Variants in FAM110B observed in about 807,000 individuals in gnomAD.
The protein encoded by FAM110B is family with sequence similarity 110 member B.
FAM110B carries 6 observed loss-of-function variants against 20.4 expected under a neutral mutation model. The observed-to-expected ratio is 0.29, with a 90% confidence interval of 0.16 to 0.58. The LOEUF is 0.58. Among genes scored for constraint, FAM110B ranks in the 20% least tolerant of loss-of-function variants. The pLI is 0.90. For missense variants in FAM110B, 434 were observed against 498.2 expected (o/e 0.87, Z 1.23); for synonymous variants, 226 against 214.1 (o/e 1.06, Z -0.49).
chr8:58,107,202 T>C (rs973084273), intron 3 of FAM110B, among the ~76,000 whole-genome samples: 1 of 152,216 alleles, frequency 6.6e-6, no homozygotes, highest in African/African-American at 2.4e-5. Flanking sequence ...TATGTAGTAA[T>C]AGATGCCTTA....
At chr8:58,094,360 A>G (rs777961086) in intron 3 of FAM110B, among the ~76,000 whole-genome samples, 2 of 152,212 alleles carry the variant, frequency 1.3e-5, no homozygotes, top group Non-Finnish European at 2.9e-5. Flanking sequence ...GTTTTTGCCC[A>G]TTCAGTATGA....
chr8:58,063,460 C>T (rs1462296822), intron 2 of FAM110B, among the ~76,000 whole-genome samples: 1 of 134,142 alleles, frequency 7.5e-6, no homozygotes, highest in African/African-American at 3.5e-5. Context: ...AAACTGAGTC[C>T]TCATACATCA....
Position 58,147,220 on chromosome 8 carries a change from T to C in FAM110B, c.990T>C (p.Asn330=), listed in dbSNP as rs767833890. ...QSQDSNSDLR[N]DDSANDRVPY... is the part of the protein sequence containing the mutation. ...AGGACAGTAACAGTGACCTTAGAAA[T>C]GATGACAGTGCCAATGACCGCGTGC... Residue 330 remains asparagine (N), a synonymous_variant, in exon 4 of 4, where the codon AAT becomes AAC. Transcript: ENST00000519262. 1.1e-5 allele frequency: 18 copies of C among 1,613,932 alleles called. 1 individual carries two copies. The South Asian group carries it at 1.6e-4, about 15-fold the overall frequency.
intron 3 of FAM110B, among the ~76,000 whole-genome samples, chr8:58,108,521 G>A (rs1418132539): frequency 1.3e-5 from 2 of 152,184 alleles, no homozygotes; most frequent in African/African-American, 2.4e-5. Context: ...TGGCATGTTC[G>A]GATAAATGGA....
intron 3 of FAM110B, among the ~76,000 whole-genome samples, chr8:58,143,106 A>C (rs1228703141): frequency 6.6e-6 from 1 of 152,250 alleles, no homozygotes; most frequent in Non-Finnish European, 1.5e-5. Flanking sequence ...ACACTGTTTC[A>C]CAGTAAAAAA....
intron 3 of FAM110B, among the ~76,000 whole-genome samples, chr8:58,128,087 C>A (rs895696426): frequency 1.3e-5 from 2 of 152,240 alleles, no homozygotes; most frequent in East Asian, 3.8e-4. Context: ...ATAGTTCACA[C>A]CTTCTGTATG....
At chr8:58,135,529 C>T (rs1734057132) in intron 3 of FAM110B, among the ~76,000 whole-genome samples, 3 of 152,174 alleles carry the variant, frequency 2.0e-5, no homozygotes, top group Admixed American at 2.0e-4. Flanking sequence ...TAAATATCAT[C>T]TTCTGCCCTA....
chr8:58,107,077 TAA>T, intron 3 of FAM110B, among the ~76,000 whole-genome samples: 1 of 147,790 alleles, frequency 6.8e-6, no homozygotes, highest in African/African-American at 2.5e-5. Flanking sequence ...CTGGCGGTGG[TAA>T]AAAAAAAAAG....
At chr8:58,097,522 C>G (rs1806663058) in intron 3 of FAM110B, among the ~76,000 whole-genome samples, 1 of 152,092 alleles carries the variant, frequency 6.6e-6, no homozygotes, top group Non-Finnish European at 1.5e-5. Flanking sequence ...TTGTTATTAC[C>G]CACCTTCTGA....
At chr8:58,123,194 G>A (rs1390052285) in intron 3 of FAM110B, among the ~76,000 whole-genome samples, 1 of 152,128 alleles carries the variant, frequency 6.6e-6, no homozygotes, top group Non-Finnish European at 1.5e-5. Context: ...GTGGGAGCTT[G>A]CCTCACTGCC....
chr8:58,093,376 G>A (rs1335801488), intron 3 of FAM110B, among the ~76,000 whole-genome samples: 1 of 152,148 alleles, frequency 6.6e-6, no homozygotes, highest in Non-Finnish European at 1.5e-5. Context: ...GGTTTTTATG[G>A]TGTTAGGTCT....
At chr8:58,118,374 G>A (rs866607558) in intron 3 of FAM110B, among the ~76,000 whole-genome samples, 8 of 152,172 alleles carry the variant, frequency 5.3e-5, no homozygotes, top group Admixed American at 1.3e-4. Context: ...GAAACTAGCC[G>A]CATTCCAGGA....
At chr8:58,044,826 T>C (rs1020750813) in intron 2 of FAM110B, among the ~76,000 whole-genome samples, 1 of 152,144 alleles carries the variant, frequency 6.6e-6, no homozygotes, top group Non-Finnish European at 1.5e-5. Flanking sequence ...ACTTGGAAAT[T>C]TTTATGAGAC....
At chr8:58,088,442 GTTTC>G (rs1353271884) in intron 3 of FAM110B, among the ~76,000 whole-genome samples, 1 of 152,154 alleles carries the variant, frequency 6.6e-6, no homozygotes, top group African/African-American at 2.4e-5. Flanking sequence ...AACGAAATGT[GTTTC>G]TTTCTCTATA....
intron 3 of FAM110B, among the ~76,000 whole-genome samples, chr8:58,115,261 T>A (rs1189674981): frequency 6.6e-6 from 1 of 152,200 alleles, no homozygotes; most frequent in Non-Finnish European, 1.5e-5. Context: ...AGAATACTAT[T>A]AATACACCAT....
intron 3 of FAM110B, among the ~76,000 whole-genome samples, chr8:58,102,262 G>A (rs939286183): frequency 1.4e-4 from 22 of 152,186 alleles, no homozygotes; most frequent in African/African-American, 5.1e-4. Flanking sequence ...ACTTGGAAAA[G>A]CTAACACAGA....
intron 3 of FAM110B, among the ~76,000 whole-genome samples, chr8:58,116,878 G>T (rs1170991730): frequency 6.6e-6 from 1 of 152,164 alleles, no homozygotes; most frequent in African/African-American, 2.4e-5. Flanking sequence ...AGAACAGATT[G>T]TAGAGCATCA....
chr8:58,016,566 T>A (rs1804641231), intron 1 of FAM110B, among the ~76,000 whole-genome samples: 1 of 152,208 alleles, frequency 6.6e-6, no homozygotes, highest in Admixed American at 6.5e-5. Context: ...TGGTTGCAGG[T>A]CAAATTTTTG....
intron 3 of FAM110B, among the ~76,000 whole-genome samples, chr8:58,129,778 C>A (rs1182273542): frequency 6.6e-6 from 1 of 152,236 alleles, no homozygotes; most frequent in East Asian, 1.9e-4. Context: ...ATGAGATGCC[C>A]CGCATCCTGC....
Sources: gnomAD v4.1 joint callset for allele counts (sites outside exome capture counted in the v4.1 genomes callset) on GRCh38, gnomAD v4.1.1 for gene constraint, MANE v1.5 for transcripts, NCBI Gene and HGNC (gene_info 2026-07-23, HGNC 2026-07-21) for gene names.